PPARGC1A: variants seen among roughly 807,000 people sequenced by gnomAD.
PPARGC1A encodes peroxisome proliferator-activated receptor gamma coactivator 1-alpha.
PPARGC1A carries 25 observed loss-of-function variants against 88.7 expected under a neutral mutation model. That is an observed-to-expected ratio of 0.28 (90% CI 0.21 to 0.39). The LOEUF is 0.39. PPARGC1A is among the 10% of genes least tolerant of loss of function. The pLI is 1.00. For synonymous variants in PPARGC1A, 363 were observed against 355.6 expected (o/e 1.02, Z -0.24); for missense variants, 880 against 968.7 (o/e 0.91, Z 1.22).
the PPARGC1A span, among the ~76,000 whole-genome samples, chr4:24,418,292 G>A: frequency 6.6e-6 from 1 of 152,018 alleles, no homozygotes; most frequent in Non-Finnish European, 1.5e-5. Context: ...AGCAACAGAG[G>A]GCCATCCACA....
chr4:24,332,011 TG>T, the PPARGC1A span, among the ~76,000 whole-genome samples: 25 of 152,222 alleles, frequency 1.6e-4, no homozygotes, highest in Admixed American at 5.2e-4. Context: ...AGGTAAATTC[TG>T]TGTTTATTTA....
At chr4:23,835,776 T>C (rs1725906578) in intron 2 of PPARGC1A, among the ~76,000 whole-genome samples, 1 of 152,208 alleles carries the variant, frequency 6.6e-6, no homozygotes, top group Admixed American at 6.5e-5. Context: ...GATGACACTT[T>C]GTGTTTATAT....
the PPARGC1A span, among the ~76,000 whole-genome samples, chr4:23,938,937 C>T: frequency 2.0e-5 from 3 of 152,146 alleles, no homozygotes; most frequent in Admixed American, 6.6e-5. Context: ...CCAGTGGATG[C>T]TCCCTTGGTG....
At chr4:24,287,691 C>T in the PPARGC1A span, among the ~76,000 whole-genome samples, 1 of 150,328 alleles carries the variant, frequency 6.7e-6, no homozygotes, top group African/African-American at 2.5e-5. Context: ...GTGCACTTTC[C>T]ATGGATGGAG....
At chr4:24,102,176 C>T in the PPARGC1A span, among the ~76,000 whole-genome samples, 1 of 152,184 alleles carries the variant, frequency 6.6e-6, no homozygotes, top group African/African-American at 2.4e-5. Flanking sequence ...TCAGTGGGTG[C>T]CACTAAAACA....
intron 10 of PPARGC1A, among the ~76,000 whole-genome samples, chr4:23,805,056 T>A (rs1577341229): frequency 6.6e-6 from 1 of 152,174 alleles, no homozygotes; most frequent in African/African-American, 2.4e-5. Context: ...CATCAAAACA[T>A]AACAGACTAT....
At chr4:23,852,724 T>A (rs1484591263) in intron 2 of PPARGC1A, among the ~76,000 whole-genome samples, 2 of 152,198 alleles carry the variant, frequency 1.3e-5, no homozygotes, top group East Asian at 3.8e-4. Context: ...ATAACTCTTT[T>A]AAAGTATTAT....
the PPARGC1A span, among the ~76,000 whole-genome samples, chr4:24,254,542 A>G: frequency 1.2e-3 from 183 of 152,348 alleles, 1 homozygote; most frequent in African/African-American, 4.2e-3. Flanking sequence ...CTGGGCAGAT[A>G]AGTCAGAATT....
chr4:23,952,404 A>T, the PPARGC1A span, among the ~76,000 whole-genome samples: 1 of 152,036 alleles, frequency 6.6e-6, no homozygotes, highest in African/African-American at 2.4e-5. Context: ...AAAACCAGGA[A>T]GTGGGGTGGG....
At chr4:24,035,347 T>A in the PPARGC1A span, among the ~76,000 whole-genome samples, 1 of 151,792 alleles carries the variant, frequency 6.6e-6, no homozygotes, top group South Asian at 2.1e-4. Flanking sequence ...CGAGACCAGA[T>A]GGGCCAACAT....
At chr4:24,171,775 TAGAA>T in the PPARGC1A span, among the ~76,000 whole-genome samples, 1 of 152,252 alleles carries the variant, frequency 6.6e-6, no homozygotes, top group Non-Finnish European at 1.5e-5. Context: ...TTTATGGTAT[TAGAA>T]AGATTTTTAT....
chr4:24,073,347 A>G, the PPARGC1A span, among the ~76,000 whole-genome samples: 1 of 152,230 alleles, frequency 6.6e-6, no homozygotes, highest in African/African-American at 2.4e-5. Context: ...CAGCCCCTTC[A>G]TTGTTAATCT....
the PPARGC1A span, among the ~76,000 whole-genome samples, chr4:24,192,156 G>T: frequency 6.6e-6 from 1 of 152,088 alleles, no homozygotes. Context: ...AATATGCAAT[G>T]GAGTGGGAAA....
At chr4:24,128,968 A>C in the PPARGC1A span, among the ~76,000 whole-genome samples, 1 of 152,254 alleles carries the variant, frequency 6.6e-6, no homozygotes, top group Non-Finnish European at 1.5e-5. Context: ...GGAACCCACA[A>C]ACTTCACCGG....
the PPARGC1A span, among the ~76,000 whole-genome samples, chr4:24,051,875 C>T: frequency 2.1e-5 from 3 of 146,124 alleles, no homozygotes; most frequent in African/African-American, 7.6e-5. Context: ...AGGCATTGAG[C>T]ATGGAAGAAA....
chr4:24,361,165 C>A, the PPARGC1A span, among the ~76,000 whole-genome samples: 3 of 152,098 alleles, frequency 2.0e-5, no homozygotes, highest in Non-Finnish European at 4.4e-5. Context: ...AAGGAGCCAG[C>A]AGAGGACAGG....
chr4:24,019,831 C>A, the PPARGC1A span, among the ~76,000 whole-genome samples: 1 of 152,188 alleles, frequency 6.6e-6, no homozygotes, highest in Non-Finnish European at 1.5e-5. Flanking sequence ...ACATCACCCA[C>A]ATAGGACTGC....
chr4:24,061,240 G>A, the PPARGC1A span, among the ~76,000 whole-genome samples: 1 of 152,126 alleles, frequency 6.6e-6, no homozygotes, highest in Non-Finnish European at 1.5e-5. Context: ...CCTTAAGTGG[G>A]TGAATGTGGG....
At chr4:24,141,934 C>A in the PPARGC1A span, among the ~76,000 whole-genome samples, 1 of 152,126 alleles carries the variant, frequency 6.6e-6, no homozygotes, top group African/African-American at 2.4e-5. Flanking sequence ...AAGTCAGCTA[C>A]CAAATAGTGA....
Sources: allele counts gnomAD v4.1 joint callset (sites outside exome capture counted in the v4.1 genomes callset), GRCh38; gene constraint gnomAD v4.1.1; transcripts MANE v1.5; gene names NCBI Gene and HGNC (gene_info 2026-07-23, HGNC 2026-07-21).